Variants in NUBP1 observed in about 807,000 individuals in gnomAD.
NUBP1 encodes NUBP iron-sulfur cluster assembly factor 1, cytosolic.
In NUBP1, 46 loss-of-function variants were observed where a neutral mutation model predicts 41.8. That is an observed-to-expected ratio of 1.10 (90% CI 0.87 to 1.41). The LOEUF is 1.41. Ranked by LOEUF, NUBP1 falls within the 40% of genes most tolerant of loss-of-function variation. The pLI, the probability that NUBP1 is intolerant of heterozygous loss-of-function variation, is 0.00. For synonymous variants in NUBP1, 189 were observed against 154.6 expected (o/e 1.22, Z -1.65); for missense variants, 494 against 414.0 (o/e 1.19, Z -1.68).
chr16:10,765,558 C>G lies in NUBP1; in HGVS notation c.821-2391C>G, dbSNP rs182470652. 1.3e-5 allele frequency among the ~76,000 whole-genome samples: 2 copies of G among 152,076 alleles called. No individual in the cohort carries two copies. The highest frequency in any genetic ancestry group is 4.8e-5 in the African/African-American group (2 of 41,406). On this transcript the variant is annotated intron_variant, in intron 9 of 10. Transcript: ENST00000283027. The surrounding 1 kb of genome is among the most constrained non-coding windows in gnomAD (Gnocchi z 4.0). ...TTGCTGACCCACCCAAATATGTCCA[C>G]GGGCCCAGCCACAGGCCTGCCCTTG...
At chr16:10,762,343 A>G (rs2142763970) in intron 9 of NUBP1, among the ~76,000 whole-genome samples, 1 of 152,284 alleles carries the variant, frequency 6.6e-6, no homozygotes, top group South Asian at 2.1e-4. Flanking sequence ...GCAGGGGCCA[A>G]GTTCCCAAAA....
rs1251395402 is a variant in NUBP1 at position 10,765,519 on chromosome 16, T to A, written c.821-2430T>A. On this transcript the variant is annotated intron_variant, in intron 9 of 10. Transcript: ENST00000283027. This position sits in a 1 kb window ranked among gnomAD's most constrained non-coding sequence, Gnocchi z 4.0. Reference sequence around the variant, plus strand: ...CAAGAACCTGTCTCAAAAAAAAATTTAAAAATGGCATGCTTGCTGACCCAC... The same window carrying A: ...CAAGAACCTGTCTCAAAAAAAAATTAAAAAATGGCATGCTTGCTGACCCAC... 6.6e-6 allele frequency among the ~76,000 whole-genome samples: 1 copy of A among 151,768 alleles called. No individual in the cohort carries two copies. The highest frequency in any genetic ancestry group is 1.5e-5 in the Non-Finnish European group (1 of 67,914).
At position 10,752,662 on chromosome 16, in the gene NUBP1, G is replaced by A; in HGVS notation, c.311G>A (p.Gly104Glu). 1 of 1,613,752 alleles carries A rather than the reference G, an allele frequency of 6.2e-7. No individual in the cohort carries two copies. The highest frequency in any genetic ancestry group is 2.2e-5 in the East Asian group (1 of 44,896). The change falls in exon 4 of 11, where the codon GGA (glycine) becomes GAA (glutamate). Residue 104 changes from glycine (G) to glutamate (E), a missense_variant. Transcript: ENST00000283027. ...ICGPSIPKIMGLEGEQVHQSG... is the reference protein window; with the variant it reads ...ICGPSIPKIMELEGEQVHQSG... ...GGGCCATCGATTCCCAAGATAATGG[G>A]ATTGGAAGGAGAGCAGGTAATAGCC... is the stretch of plus-strand genomic sequence containing the variant.
At chr16:10,747,497 T>C (rs546177532) in intron 3 of NUBP1, among the ~76,000 whole-genome samples, 134 of 152,288 alleles carry the variant, frequency 8.8e-4, no homozygotes, top group African/African-American at 2.8e-3. Flanking sequence ...TAGCTGGGCG[T>C]GGTAGCGCAG....
At chr16:10,758,435 T>C (rs761440481) in intron 7 of NUBP1, among the ~76,000 whole-genome samples, 16 of 152,196 alleles carry the variant, frequency 1.1e-4, no homozygotes, top group Non-Finnish European at 2.1e-4. Context: ...ATCACGCCAG[T>C]GCAGTCCAGC....
intron 9 of NUBP1, among the ~76,000 whole-genome samples, chr16:10,762,790 C>G (rs917033686): frequency 2.0e-5 from 3 of 148,268 alleles, no homozygotes; most frequent in Admixed American, 2.0e-4. Context: ...TATGGCCTGG[C>G]CAGGAGAGGG....
intron 3 of NUBP1, among the ~76,000 whole-genome samples, chr16:10,752,218 G>T (rs147902021): frequency 1.9e-4 from 29 of 152,326 alleles, no homozygotes; most frequent in African/African-American, 6.7e-4. Flanking sequence ...GAGCTGTTTA[G>T]GGTGGCTCCA....
intron 2 of NUBP1, among the ~76,000 whole-genome samples, chr16:10,746,212 T>A (rs1291170600): frequency 6.6e-6 from 1 of 152,256 alleles, no homozygotes. Context: ...GTCATGAGAC[T>A]TTTTAATTTC....
chr16:10,758,089 C>T, intron 7 of NUBP1, 62 bp downstream of exon 7: 1 of 1,567,672 alleles, frequency 6.4e-7, no homozygotes, highest in Non-Finnish European at 8.7e-7. Context: ...GATTTCTTTC[C>T]TACCTGGCTC....
At chr16:10,750,975 T>A (rs1439627975) in intron 3 of NUBP1, among the ~76,000 whole-genome samples, 1 of 152,138 alleles carries the variant, frequency 6.6e-6, no homozygotes, top group Admixed American at 6.5e-5. Flanking sequence ...TGGCCTAACC[T>A]AAGCAAAATT....
At position 10,755,732 on chromosome 16, in the gene NUBP1, T is replaced by C. The variant is rs1567257638; in HGVS notation, c.339T>C (p.Ser113=). The change falls in exon 5 of 11, where the codon AGT becomes AGC. Residue 113 remains serine, a synonymous_variant. Coordinates refer to ENST00000283027, the MANE Select transcript of NUBP1 (RefSeq NM_002484.4). ...MGLEGEQVHQ[S]GSGWSPVYVE... ...TCATGTTCACACAGGTTCACCAGAGTGGCTCAGGCTGGTCTCCAGTGGTGA... is the reference window on the plus strand; with the variant it reads ...TCATGTTCACACAGGTTCACCAGAGCGGCTCAGGCTGGTCTCCAGTGGTGA... The C allele has an allele frequency of 6.2e-7, 1 of 1,614,168 alleles. No individual in the cohort carries two copies. Among genetic ancestry groups the C allele is most frequent in the Admixed American group, 1.7e-5 (1 of 60,022 alleles).
intron 8 of NUBP1, 42 bp from the exon 9 acceptor site, chr16:10,761,715 G>A: frequency 1.3e-6 from 2 of 1,504,800 alleles, no homozygotes; most frequent in Non-Finnish European, 1.8e-6. Context: ...TTGTGATTCT[G>A]CAAAAAAATT....
At position 10,765,484 on chromosome 16, in the gene NUBP1, G is replaced by C. The variant is rs557864166; in HGVS notation, c.821-2465G>C. Reference sequence around the variant, plus strand: ...GATCACACCACTGCACTCCAGCCTGGGCGACAGAGCAAGAACCTGTCTCAA... The same window carrying C: ...GATCACACCACTGCACTCCAGCCTGCGCGACAGAGCAAGAACCTGTCTCAA... On this transcript the variant is annotated intron_variant, in intron 9 of 10. Coordinates refer to ENST00000283027, the MANE Select transcript of NUBP1 (RefSeq NM_002484.4). This position sits in a 1 kb window ranked among gnomAD's most constrained non-coding sequence, Gnocchi z 4.0. Among the ~76,000 whole-genome samples, 144 of 152,188 alleles carry C rather than the reference G, an allele frequency of 9.5e-4. 1 individual carries two copies. Among genetic ancestry groups the C allele is most frequent in the African/African-American group, 3.4e-3 (143 of 41,524 alleles).
At position 10,757,967 on chromosome 16, in the gene NUBP1, G is replaced by A. The variant is rs150735725; in HGVS notation, c.546G>A (p.Ser182=). ...CTGGGACGTCGGATGAACACCTCTCGGTCGTCCGGTACCTGGCCACAGCAC... is the reference window on the plus strand; with the variant it reads ...CTGGGACGTCGGATGAACACCTCTCAGTCGTCCGGTACCTGGCCACAGCAC... ...TPPGTSDEHL[S]VVRYLATAHI... Residue 182 remains serine, a synonymous_variant, in exon 7 of 11, where the codon TCG becomes TCA. Coordinates refer to ENST00000283027, the MANE Select transcript of NUBP1 (RefSeq NM_002484.4). The surrounding 1 kb of genome is among the most constrained non-coding windows in gnomAD (Gnocchi z 4.1). 37 of 1,614,060 alleles carry A rather than the reference G, an allele frequency of 2.3e-5. No homozygotes were observed. Among genetic ancestry groups the A allele is most frequent in the South Asian group, 1.3e-4 (12 of 91,082 alleles).
intron 2 of NUBP1, among the ~76,000 whole-genome samples, chr16:10,745,828 C>G (rs951570413): frequency 2.0e-5 from 3 of 152,228 alleles, no homozygotes; most frequent in African/African-American, 7.2e-5. Flanking sequence ...GAAGGACTAT[C>G]TCATCCCATC....
Position 10,752,638 on chromosome 16 carries a change from G to A in NUBP1, c.287G>A (p.Gly96Glu), listed in dbSNP as rs774042380. The change falls in exon 4 of 11, where the codon GGG (glycine) becomes GAG (glutamate). Residue 96 changes from glycine to glutamate, a missense_variant. Gly to Glu is a moderately conservative substitution (Grantham distance 98). Transcript: ENST00000283027. ...QIALLDIDIC[G>E]PSIPKIMGLE... is the part of the protein sequence containing the mutation. Reference sequence around the variant, plus strand: ...GCTCTTCTAGACATCGATATATGTGGGCCATCGATTCCCAAGATAATGGGA... The same window carrying A: ...GCTCTTCTAGACATCGATATATGTGAGCCATCGATTCCCAAGATAATGGGA... 9.3e-6 allele frequency: 15 copies of A among 1,613,694 alleles called. No homozygotes were observed. Among genetic ancestry groups the A allele is most frequent in the South Asian group, 7.7e-5 (7 of 91,066 alleles).
intron 7 of NUBP1, 79 bp downstream of exon 7, chr16:10,758,106 T>C: frequency 6.6e-7 from 1 of 1,515,842 alleles, no homozygotes; most frequent in Non-Finnish European, 9.0e-7. Flanking sequence ...GCTCTGATAC[T>C]CTGGTCTCAC....
At position 10,753,587 on chromosome 16, in the gene NUBP1, G is replaced by GA. The variant is rs573702370; in HGVS notation, c.327+911dup. Among the ~76,000 whole-genome samples, 1,044 of 152,250 alleles carry GA rather than the reference G, an allele frequency of 6.9e-3. 4 individuals are homozygous for GA. The highest frequency in any genetic ancestry group is 0.027 in the Middle Eastern group (8 of 294). ...TGGTTCTTTCTTTAATTAGTGCCAG[G>GA]AATGCATTAATCCTGTTTTGGGGAT... On this transcript the variant is annotated intron_variant, in intron 4 of 10. Coordinates refer to ENST00000283027, the MANE Select transcript of NUBP1 (RefSeq NM_002484.4).
rs1242369774 is a variant in NUBP1, at chr16:10,749,533, A to G, written c.258+2257A>G. Among the ~76,000 whole-genome samples the G allele has an allele frequency of 6.7e-6, 1 of 149,516 alleles. No homozygotes were observed. The highest frequency in any genetic ancestry group is 1.5e-5 in the Non-Finnish European group (1 of 67,110). On this transcript the variant is annotated intron_variant, in intron 3 of 10. Transcript: ENST00000283027. This position sits in a 1 kb window ranked among gnomAD's most constrained non-coding sequence, Gnocchi z 4.1. ...GTATTTTTTTATGCAGTGGTGGTTT[A>G]AAAAAAAAAGAAGTCAGCATTTAGG...
Sources: gnomAD v4.1 joint callset for allele counts (sites outside exome capture counted in the v4.1 genomes callset) on GRCh38, gnomAD v4.1.1 for gene constraint, Gnocchi (gnomAD v3.1) non-coding constraint, MANE v1.5 for transcripts, NCBI Gene and HGNC (gene_info 2026-07-23, HGNC 2026-07-21) for gene names.